The following SYNJ1 variants were observed in gnomAD, a reference collection of about 807,000 sequenced individuals.
SYNJ1 encodes polyphosphatidylinositol phosphatase SYNJ1.
Under a neutral mutation model 168.2 loss-of-function variants are expected in SYNJ1, and 78 were observed. That is an observed-to-expected ratio of 0.46 (90% confidence interval 0.39 to 0.56). The LOEUF is 0.56. Ranked by LOEUF, SYNJ1 falls within the 20% of genes least tolerant of loss-of-function variation. The probability of loss-of-function intolerance (pLI) is 0.00; values close to 1 mark genes in which losing one functional copy is unlikely to be tolerated. For synonymous variants in SYNJ1, 539 were observed against 548.6 expected, an observed-to-expected ratio of 0.98 and a Z score of 0.24; for missense variants, 1,303 against 1,597.6, an observed-to-expected ratio of 0.82 and a Z score of 3.14.
chr21:32,631,128 A>G lies in SYNJ1; in HGVS notation c.*677T>C. On this transcript the variant is annotated 3_prime_UTR_variant, in exon 33 of 33. Coordinates refer to ENST00000674351, the MANE Select transcript of SYNJ1 (RefSeq NM_203446.3). ...AGGTCTTCTTGACGGCAACACACAG[A>G]AGGAGACATTTGTACCTTTATTCCA... 1.2e-6 allele frequency: 2 copies of G among 1,613,874 alleles called. No homozygotes were observed. Among genetic ancestry groups the G allele is most frequent in the Non-Finnish European group, 1.7e-6 (2 of 1,180,036 alleles).
chr21:32,675,219 G>A (rs1012905469), intron 13 of SYNJ1, among the ~76,000 whole-genome samples: 2 of 151,914 alleles, frequency 1.3e-5, no homozygotes, highest in South Asian at 2.1e-4. Context: ...ATAATTACAC[G>A]GCTTAAAATA....
chr21:32,674,883 T>C (rs2041343287), intron 13 of SYNJ1, among the ~76,000 whole-genome samples: 1 of 152,212 alleles, frequency 6.6e-6, no homozygotes, highest in Admixed American at 6.6e-5. Flanking sequence ...GCGAGTGATG[T>C]CTTAGTATTC....
chr21:32,674,840 T>C (rs766659821), intron 13 of SYNJ1, among the ~76,000 whole-genome samples: 3 of 152,232 alleles, frequency 2.0e-5, no homozygotes, highest in Non-Finnish European at 4.4e-5. Context: ...TACCAAGATA[T>C]AGCAGTCTTA....
At chr21:32,634,786 A>G in intron 32 of SYNJ1, 75 bp downstream of exon 32, 1 of 1,497,644 alleles carries the variant, frequency 6.7e-7, no homozygotes. Flanking sequence ...CTTTAGATGT[A>G]TGAAGCAGAG....
intron 12 of SYNJ1, among the ~76,000 whole-genome samples, chr21:32,677,851 GAAC>G (rs1017009281): frequency 3.3e-5 from 5 of 151,996 alleles, no homozygotes; most frequent in African/African-American, 1.2e-4. Flanking sequence ...CTTGAACAGG[GAAC>G]ATTAAAAAGT....
chr21:32,709,599 C>A (rs1304332090), intron 2 of SYNJ1, among the ~76,000 whole-genome samples: 1 of 147,148 alleles, frequency 6.8e-6, no homozygotes, highest in African/African-American at 2.5e-5. Context: ...CTCACTGTAA[C>A]CTTCGCCTCC....
intron 2 of SYNJ1, among the ~76,000 whole-genome samples, chr21:32,713,691 T>C (rs1175111619): frequency 3.3e-5 from 5 of 150,958 alleles, no homozygotes; most frequent in Non-Finnish European, 3.0e-5. Flanking sequence ...TATATCAACA[T>C]GGATGATTTC....
At chr21:32,718,976 T>C (rs2043119566) in intron 2 of SYNJ1, among the ~76,000 whole-genome samples, 1 of 152,176 alleles carries the variant, frequency 6.6e-6, no homozygotes, top group African/African-American at 2.4e-5. Flanking sequence ...TACAATAGCC[T>C]CACAACAGCA....
chr21:32,716,682 CT>C (rs2043034600), intron 2 of SYNJ1, among the ~76,000 whole-genome samples: 1 of 152,178 alleles, frequency 6.6e-6, no homozygotes, highest in Non-Finnish European at 1.5e-5. Flanking sequence ...GGATTCATAG[CT>C]TTCATGAAAT....
intron 32 of SYNJ1, 38 bp downstream of exon 32, chr21:32,634,823 G>C: frequency 6.2e-7 from 1 of 1,608,878 alleles, no homozygotes; most frequent in Non-Finnish European, 8.5e-7. Context: ...TGTTGAGACG[G>C]ATGAAAACAC....
At chr21:32,674,720 A>G (rs1180175502) in intron 13 of SYNJ1, among the ~76,000 whole-genome samples, 6 of 151,902 alleles carry the variant, frequency 3.9e-5, no homozygotes, top group African/African-American at 1.5e-4. Context: ...AAGCACCTCA[A>G]CCTAAAAATC....
At position 32,678,770 on chromosome 21, in the gene SYNJ1, G is replaced by A. The variant is rs1569082224; in HGVS notation, c.1385C>T (p.Thr462Ile). 1 of 1,612,590 alleles carries A rather than the reference G, an allele frequency of 6.2e-7. No individual in the cohort carries two copies. Among genetic ancestry groups the A allele is most frequent in the East Asian group, 2.2e-5 (1 of 44,802 alleles). Residue 462 changes from threonine (T) to isoleucine (I), a missense_variant, in exon 12 of 33, where the codon ACA becomes ATA. By Grantham distance (89) the Thr-to-Ile change is moderately conservative (BLOSUM62 -1). Around this residue, in one of 2 missense-constraint regions of SYNJ1, gnomAD observed 920 missense variants for 1,208.8 expected, o/e 0.76. Transcript: ENST00000674351. ...GCTGTCAAAGAAGTTATTCTGAATT[G>A]TTCGGGTAACAGAGCGAGCACCATC... ...LKDGARSVTR[T>I]IQNNFFDSSK...
chr21:32,721,981 T>G (rs1054552075), intron 2 of SYNJ1, among the ~76,000 whole-genome samples: 2 of 150,064 alleles, frequency 1.3e-5, no homozygotes, highest in Admixed American at 6.6e-5. Flanking sequence ...AGGTCGGGAG[T>G]TCAAGACCAG....
At chr21:32,664,118 C>G (rs2040826251) in intron 18 of SYNJ1, among the ~76,000 whole-genome samples, 2 of 152,208 alleles carry the variant, frequency 1.3e-5, no homozygotes, top group Non-Finnish European at 2.9e-5. Context: ...AACCTGCTTA[C>G]TGCTCCCTTG....
intron 11 of SYNJ1, 116 bp from the exon 12 acceptor site, chr21:32,678,917 C>G (rs1194622443): frequency 1.3e-5 from 17 of 1,352,160 alleles, no homozygotes; most frequent in Non-Finnish European, 2.0e-6. Context: ...TAAAAAAGGA[C>G]CTAATCGTTC....
At chr21:32,695,592 AT>A (rs1364502026) in intron 4 of SYNJ1, among the ~76,000 whole-genome samples, 17 of 151,844 alleles carry the variant, frequency 1.1e-4, no homozygotes, top group African/African-American at 3.6e-4. Context: ...ATACATATGC[AT>A]GTCCCCACCC....
intron 24 of SYNJ1, 29 bp from the exon 25 acceptor site, chr21:32,645,818 C>A: frequency 6.6e-7 from 1 of 1,503,772 alleles, no homozygotes; most frequent in South Asian, 1.3e-5. Flanking sequence ...GTAAGAAGAT[C>A]AGCTTCTAAG....
intron 31 of SYNJ1, among the ~76,000 whole-genome samples, chr21:32,636,392 A>T (rs1386539526): frequency 6.6e-6 from 1 of 152,258 alleles, no homozygotes; most frequent in African/African-American, 2.4e-5. Context: ...AAGTCAAAGG[A>T]TAAATAATAA....
At chr21:32,633,714 T>A (rs539863999) in intron 32 of SYNJ1, among the ~76,000 whole-genome samples, 1 of 152,252 alleles carries the variant, frequency 6.6e-6, no homozygotes, top group Non-Finnish European at 1.5e-5. Context: ...CTTAAGAATA[T>A]GGAAGGATGT....
Sources: allele counts gnomAD v4.1 joint callset (sites outside exome capture counted in the v4.1 genomes callset), GRCh38; gene constraint gnomAD v4.1.1; regional missense constraint gnomAD v4.1.1; transcripts MANE v1.5; gene names NCBI Gene and HGNC (gene_info 2026-07-23, HGNC 2026-07-21).